INPP4B: variants seen among roughly 807,000 people sequenced by gnomAD.
The protein encoded by INPP4B is inositol polyphosphate-4-phosphatase type II B.
A neutral mutation model predicts 122.5 loss-of-function variants in INPP4B; 55 were observed. That is an observed-to-expected ratio of 0.45 (90% confidence interval 0.36 to 0.56). The LOEUF (loss-of-function observed/expected upper bound fraction) is 0.56. Among genes scored for constraint, INPP4B ranks in the 20% least tolerant of loss-of-function variants. The pLI is 0.00. For synonymous variants in INPP4B, 403 were observed against 388.7 expected, an observed-to-expected ratio of 1.04 and a Z score of -0.43; for missense variants, 1,000 against 1,097.7, an observed-to-expected ratio of 0.91 and a Z score of 1.26.
chr4:142,760,497 C>A (rs899348211), intron 1 of INPP4B, among the ~76,000 whole-genome samples: 1 of 152,016 alleles, frequency 6.6e-6, no homozygotes, highest in African/African-American at 2.4e-5. Context: ...TAAAAGCCTG[C>A]AAAACCAATT....
At chr4:142,700,295 A>C (rs1482627202) in intron 2 of INPP4B, among the ~76,000 whole-genome samples, 1 of 152,234 alleles carries the variant, frequency 6.6e-6, no homozygotes, top group African/African-American at 2.4e-5. Context: ...TATTATTTAC[A>C]ATGAAGGCAC....
intron 1 of INPP4B, among the ~76,000 whole-genome samples, chr4:142,842,705 TA>T (rs1339029853): frequency 7.6e-6 from 1 of 131,704 alleles, no homozygotes; most frequent in Admixed American, 8.6e-5. Flanking sequence ...ATATAATATA[TA>T]AATATAATAT....
At chr4:142,253,874 G>A (rs957432731) in intron 11 of INPP4B, among the ~76,000 whole-genome samples, 11 of 152,190 alleles carry the variant, frequency 7.2e-5, no homozygotes, top group Non-Finnish European at 1.5e-5. Context: ...AGGCCTGCCT[G>A]CCTCTGTAGG....
At chr4:142,116,771 C>T (rs1793730992) in intron 21 of INPP4B, among the ~76,000 whole-genome samples, 1 of 152,018 alleles carries the variant, frequency 6.6e-6, no homozygotes, top group Non-Finnish European at 1.5e-5. Flanking sequence ...CAAGAGCAAA[C>T]ACATTCAAAA....
chr4:142,584,886 C>T (rs1250959102), intron 2 of INPP4B, among the ~76,000 whole-genome samples: 3 of 152,112 alleles, frequency 2.0e-5, no homozygotes, highest in Non-Finnish European at 4.4e-5. Flanking sequence ...TACTCTCCCA[C>T]GTTTATTTAT....
At chr4:142,422,389 G>GA (rs35015135) in intron 5 of INPP4B, among the ~76,000 whole-genome samples, 1 of 152,064 alleles carries the variant, frequency 6.6e-6, no homozygotes. Flanking sequence ...AATAGATGCT[G>GA]AAAAAATGGT....
At chr4:142,615,837 G>A (rs1479323633) in intron 2 of INPP4B, among the ~76,000 whole-genome samples, 3 of 151,820 alleles carry the variant, frequency 2.0e-5, no homozygotes, top group African/African-American at 7.3e-5. Flanking sequence ...TTTTTCGTAG[G>A]GGTTGAGAGA....
chr4:142,418,920 G>A (rs927087942), intron 5 of INPP4B, among the ~76,000 whole-genome samples: 1 of 152,156 alleles, frequency 6.6e-6, no homozygotes, highest in Non-Finnish European at 1.5e-5. Flanking sequence ...TGCTGGCGCA[G>A]GTGAGAGTTC....
At chr4:142,805,114 T>C (rs903286822) in intron 1 of INPP4B, among the ~76,000 whole-genome samples, 2 of 152,224 alleles carry the variant, frequency 1.3e-5, no homozygotes, top group Non-Finnish European at 2.9e-5. Flanking sequence ...AAGCACAAGA[T>C]AATCTCTACA....
intron 1 of INPP4B, among the ~76,000 whole-genome samples, chr4:142,788,830 G>C (rs1776127674): frequency 6.6e-6 from 1 of 151,948 alleles, no homozygotes. Context: ...GTATTCCATT[G>C]TATTTATATA....
intron 1 of INPP4B, among the ~76,000 whole-genome samples, chr4:142,811,324 G>A (rs560021014): frequency 1.2e-4 from 19 of 152,326 alleles, no homozygotes; most frequent in Non-Finnish European, 2.1e-4. Context: ...TGTTGACAGA[G>A]GAGAGGGCCA....
chr4:142,251,155 T>C (rs1731817714), intron 11 of INPP4B, among the ~76,000 whole-genome samples: 1 of 152,172 alleles, frequency 6.6e-6, no homozygotes, highest in African/African-American at 2.4e-5. Context: ...ATGTTTCTCT[T>C]TCTCCTTGAA....
At chr4:142,191,400 C>T (rs1220933639) in intron 15 of INPP4B, among the ~76,000 whole-genome samples, 1 of 152,154 alleles carries the variant, frequency 6.6e-6, no homozygotes, top group Non-Finnish European at 1.5e-5. Flanking sequence ...TGTCATGCTC[C>T]TCCCCCACTA....
chr4:142,553,574 T>C (rs1728471990), intron 2 of INPP4B, among the ~76,000 whole-genome samples: 1 of 152,150 alleles, frequency 6.6e-6, no homozygotes, highest in African/African-American at 2.4e-5. Flanking sequence ...ATACCCCAGT[T>C]CTCTTTTCCT....
At chr4:142,197,802 C>T (rs565426686) in intron 14 of INPP4B, among the ~76,000 whole-genome samples, 1 of 152,016 alleles carries the variant, frequency 6.6e-6, no homozygotes, top group African/African-American at 2.4e-5. Flanking sequence ...AATGTTATTT[C>T]CCCAACTTTA....
intron 2 of INPP4B, among the ~76,000 whole-genome samples, chr4:142,635,064 G>T (rs1004702200): frequency 3.9e-5 from 6 of 151,962 alleles, no homozygotes; most frequent in African/African-American, 1.4e-4. Context: ...ACAGACAGTT[G>T]TCAAAAGAAG....
intron 1 of INPP4B, among the ~76,000 whole-genome samples, chr4:142,831,374 G>GAT (rs1369856327): frequency 6.6e-6 from 1 of 152,198 alleles, no homozygotes; most frequent in Non-Finnish European, 1.5e-5. Flanking sequence ...TCTTCAGGAA[G>GAT]ATAGGATATA....
chr4:142,275,052 G>T (rs557604874), intron 9 of INPP4B, among the ~76,000 whole-genome samples: 2 of 151,830 alleles, frequency 1.3e-5, no homozygotes, highest in East Asian at 3.9e-4. Context: ...GGTGATTAAG[G>T]TTCCTTAAAA....
chr4:142,216,460 G>C (rs774746179), intron 12 of INPP4B, among the ~76,000 whole-genome samples: 1 of 152,136 alleles, frequency 6.6e-6, no homozygotes, highest in Non-Finnish European at 1.5e-5. Context: ...CTCCAAAGGA[G>C]ACATATAATT....
Sources: gnomAD v4.1 joint callset for allele counts (sites outside exome capture counted in the v4.1 genomes callset) on GRCh38, gnomAD v4.1.1 for gene constraint, MANE v1.5 for transcripts, NCBI Gene and HGNC (gene_info 2026-07-23, HGNC 2026-07-21) for gene names.